FOXP2: variants seen among roughly 807,000 people sequenced by gnomAD.
FOXP2 encodes forkhead box protein P2.
Under a neutral mutation model 115.8 loss-of-function variants are expected in FOXP2, and 12 were observed. That is an observed-to-expected ratio of 0.10 (90% CI 0.07 to 0.17). FOXP2 has a LOEUF of 0.17. Ranked by LOEUF, FOXP2 falls within the 10% of genes least tolerant of loss-of-function variation. The probability of loss-of-function intolerance (pLI) is 1.00; values close to 1 mark genes in which losing one functional copy is unlikely to be tolerated. For missense variants in FOXP2, 629 were observed against 843.5 expected, an observed-to-expected ratio of 0.75 and a Z score of 3.15; for synonymous variants, 328 against 297.7, an observed-to-expected ratio of 1.10 and a Z score of -1.05.
intron 1 of FOXP2, among the ~76,000 whole-genome samples, chr7:114,170,142 C>T (rs1793099064): frequency 6.6e-6 from 1 of 152,094 alleles, no homozygotes; most frequent in South Asian, 2.1e-4. Flanking sequence ...ATATATGAAA[C>T]TTTTCATGTT....
Position 114,642,401 on chromosome 7 carries a change from A to C in FOXP2, c.776-9A>C, listed in dbSNP as rs1805583129. The C allele has an allele frequency of 2.5e-6, 4 of 1,612,378 alleles. No individual in the cohort carries two copies. The highest frequency in any genetic ancestry group is 3.4e-6 in the Non-Finnish European group (4 of 1,178,810). On this transcript the variant is annotated splice_polypyrimidine_tract_variant and intron_variant, in intron 6 of 16. Coordinates refer to ENST00000350908, the MANE Select transcript of FOXP2 (RefSeq NM_014491.4). ...TGTTATGCTAGTGAAGCTTTCTTTC[A>C]TTTTATAGCTGGCTTAAGTCCTGCT...
At chr7:114,497,665 G>GTAAATAAA (rs3028216) in intron 2 of FOXP2, among the ~76,000 whole-genome samples, 97 of 145,614 alleles carry the variant, frequency 6.7e-4, no homozygotes, top group East Asian at 2.6e-3. Flanking sequence ...AAATAAATAA[G>GTAAATAAA]TAAATAAATA....
intron 3 of FOXP2, 23 bp downstream of exon 3, chr7:114,534,729 T>G (rs747904615): frequency 1.9e-6 from 3 of 1,578,656 alleles, no homozygotes; most frequent in East Asian, 2.2e-5. Flanking sequence ...CTCCTGTCCT[T>G]GGGGTCTTAT....
intron 2 of FOXP2, among the ~76,000 whole-genome samples, chr7:114,509,712 T>A (rs867096518): frequency 2.0e-5 from 3 of 151,976 alleles, no homozygotes; most frequent in South Asian, 2.1e-4. Flanking sequence ...TGATAAATTA[T>A]TAAATTTCAT....
At chr7:114,632,591 C>T (rs973733882) in intron 6 of FOXP2, among the ~76,000 whole-genome samples, 8 of 152,110 alleles carry the variant, frequency 5.3e-5, no homozygotes. Context: ...ATTGTAGTAG[C>T]ATTGGCTGCA....
In FOXP2 at chr7:114,330,458, T is replaced by C. The variant is rs190144603; in HGVS notation, c.-11+42349T>C. 6.4e-3 allele frequency among the ~76,000 whole-genome samples: 943 copies of C among 146,574 alleles called. 7 individuals carry two copies. Among genetic ancestry groups the C allele is most frequent in the African/African-American group, 0.022 (912 of 40,540 alleles). On this transcript the variant is annotated intron_variant, in intron 2 of 17. Transcript: ENST00000634411. ...GAACAGCCTGGGCAACATAGGGAGA[T>C]CTTGTCTCTAAAAAAAAAAAAGTTT...
At chr7:114,524,466 T>C (rs1268210195) in intron 2 of FOXP2, among the ~76,000 whole-genome samples, 3 of 152,102 alleles carry the variant, frequency 2.0e-5, no homozygotes, top group African/African-American at 7.2e-5. Context: ...TTCAGTTATA[T>C]AATTTTCCTG....
intron 10 of FOXP2, among the ~76,000 whole-genome samples, chr7:114,657,661 A>G (rs1277285856): frequency 6.6e-6 from 1 of 152,352 alleles, no homozygotes; most frequent in African/African-American, 2.4e-5. Flanking sequence ...TCAACAGAAT[A>G]GCAACTTACT....
At chr7:114,105,080 A>G (rs1248139589) in intron 1 of FOXP2, among the ~76,000 whole-genome samples, 1 of 152,074 alleles carries the variant, frequency 6.6e-6, no homozygotes, top group East Asian at 1.9e-4. Flanking sequence ...AAAGGAGGGA[A>G]TACTCTGAGA....
intron 3 of FOXP2, among the ~76,000 whole-genome samples, chr7:114,610,917 G>A (rs1251582934): frequency 6.6e-6 from 1 of 152,014 alleles, no homozygotes; most frequent in Non-Finnish European, 1.5e-5. Context: ...TTATAAGCAT[G>A]AGCCATCAGC....
chr7:114,570,734 A>G, intron 3 of FOXP2: 1 of 1,102,892 alleles, frequency 9.1e-7, no homozygotes, highest in Non-Finnish European at 1.4e-6. Flanking sequence ...TTTAAAAATG[A>G]TAATGTACGT....
intron 1 of FOXP2, among the ~76,000 whole-genome samples, chr7:114,091,831 A>G (rs1799548741): frequency 1.3e-5 from 2 of 151,976 alleles, no homozygotes; most frequent in Non-Finnish European, 2.9e-5. Flanking sequence ...TAAATCATCT[A>G]TGGGGTTTAG....
chr7:114,642,778 TAA>T (rs1491123431), intron 7 of FOXP2, among the ~76,000 whole-genome samples, 155 bp downstream of exon 7: 6 of 73,956 alleles, frequency 8.1e-5, no homozygotes, highest in African/African-American at 1.8e-4. Context: ...ATTTTATATA[TAA>T]TATATATATA....
chr7:114,645,946 A>G (rs1466662872), intron 8 of FOXP2: 1 of 150,992 alleles, frequency 6.6e-6, no homozygotes, highest in African/African-American at 2.4e-5. Context: ...ATGAAAATTT[A>G]CACTTTTCTT....
chr7:114,146,696 G>C (rs557907341), intron 1 of FOXP2, among the ~76,000 whole-genome samples: 2 of 152,160 alleles, frequency 1.3e-5, no homozygotes, highest in Non-Finnish European at 2.9e-5. Flanking sequence ...ATGATACTAT[G>C]ATATAAATTT....
intron 1 of FOXP2, among the ~76,000 whole-genome samples, chr7:114,253,042 G>A (rs549255408): frequency 2.0e-5 from 3 of 152,162 alleles, no homozygotes; most frequent in African/African-American, 4.8e-5. Context: ...CCTTCATTTC[G>A]TTATGTACCC....
chr7:114,484,404 T>G (rs1299995136), intron 2 of FOXP2, among the ~76,000 whole-genome samples: 1 of 151,898 alleles, frequency 6.6e-6, no homozygotes, highest in Non-Finnish European at 1.5e-5. Flanking sequence ...TTGATGTTAC[T>G]ATTTTGGTGT....
At chr7:114,459,772 C>T (rs1391827346) in intron 2 of FOXP2, among the ~76,000 whole-genome samples, 1 of 152,034 alleles carries the variant, frequency 6.6e-6, no homozygotes, top group African/African-American at 2.4e-5. Flanking sequence ...CGTGCCACCA[C>T]GCCCGGCTAC....
intron 3 of FOXP2, among the ~76,000 whole-genome samples, chr7:114,545,120 A>G (rs562880333): frequency 6.6e-5 from 10 of 152,172 alleles, no homozygotes; most frequent in Non-Finnish European, 1.5e-4. Context: ...AGAGTAGTAT[A>G]TAAGAACCCT....
Sources: allele counts gnomAD v4.1 joint callset (sites outside exome capture counted in the v4.1 genomes callset), GRCh38; gene constraint gnomAD v4.1.1; transcripts MANE v1.5; gene names NCBI Gene and HGNC (gene_info 2026-07-23, HGNC 2026-07-21).